DNM3: variants seen among roughly 807,000 people sequenced by gnomAD.
DNM3 encodes the protein dynamin 3, also known as dynamin-3.
In DNM3, 47 loss-of-function variants were observed where a neutral mutation model predicts 101.6. The ratio of observed to expected loss-of-function variants is 0.46; its 90% confidence interval spans 0.37 to 0.59. The LOEUF (loss-of-function observed/expected upper bound fraction) is 0.59, where lower values mean the gene tolerates loss of function less well. DNM3 is among the 20% of genes least tolerant of loss of function. The pLI, the probability that DNM3 is intolerant of heterozygous loss-of-function variation, is 0.00. For synonymous variants in DNM3, 385 were observed against 387.9 expected (o/e 0.99, Z 0.09); for missense variants, 849 against 1,085.7 (o/e 0.78, Z 3.06).
chr1:172,275,079 G>C (rs531184582), intron 15 of DNM3, among the ~76,000 whole-genome samples: 1 of 152,126 alleles, frequency 6.6e-6, no homozygotes, highest in South Asian at 2.1e-4. Context: ...ATTATTCCTA[G>C]ACAACTATGA....
chr1:172,278,617 G>A (rs2063377330), intron 15 of DNM3, among the ~76,000 whole-genome samples: 1 of 152,122 alleles, frequency 6.6e-6, no homozygotes, highest in African/African-American at 2.4e-5. Context: ...GAAGGCAAGT[G>A]TGTGATTCAC....
At chr1:172,195,366 C>A (rs553384) in intron 14 of DNM3, among the ~76,000 whole-genome samples, 35,682 of 151,600 alleles carry the variant, frequency 0.24, 7,004 homozygotes, top group African/African-American at 0.54. Context: ...ATGGCACCTT[C>A]AAACAAAGAC....
chr1:172,402,766 A>G (rs1475188351), intron 20 of DNM3, among the ~76,000 whole-genome samples: 1 of 152,218 alleles, frequency 6.6e-6, no homozygotes, highest in East Asian at 1.9e-4. Flanking sequence ...ACATAAGGCT[A>G]AAACTGCTTT....
At position 172,064,501 on chromosome 1, in the gene DNM3, G is replaced by A. The variant is rs1355132241; in HGVS notation, c.1336-4318G>A. Among the ~76,000 whole-genome samples the A allele has an allele frequency of 2.6e-5, 4 of 152,070 alleles. 1 individual carries two copies. The highest frequency in any genetic ancestry group is 4.1e-4 in the South Asian group (2 of 4,828). ...GGTGACACAAACTGAGCAGGGCACA[G>A]TTTGAATGAGATCATGAAATAATCT... On this transcript the variant is annotated intron_variant, in intron 10 of 20. Transcript: ENST00000627582.
At chr1:171,976,341 T>C (rs2044368065) in intron 2 of DNM3, among the ~76,000 whole-genome samples, 1 of 152,208 alleles carries the variant, frequency 6.6e-6, no homozygotes, top group Admixed American at 6.5e-5. Context: ...GAGGCTTAAC[T>C]GACTTACAGT....
intron 9 of DNM3, among the ~76,000 whole-genome samples, 171 bp from the exon 10 acceptor site, chr1:172,048,441 T>C (rs1351302820): frequency 1.3e-5 from 2 of 152,238 alleles, no homozygotes; most frequent in Non-Finnish European, 1.5e-5. Context: ...TAAATATTAG[T>C]TAAAGGTCAC....
intron 20 of DNM3, among the ~76,000 whole-genome samples, chr1:172,392,707 C>T (rs1008003190): frequency 1.2e-4 from 19 of 152,030 alleles, no homozygotes; most frequent in African/African-American, 4.6e-4. Flanking sequence ...AGCTATTTTG[C>T]AATAGTCAAA....
chr1:172,295,066 C>T (rs1281962512), intron 15 of DNM3, among the ~76,000 whole-genome samples: 1 of 152,122 alleles, frequency 6.6e-6, no homozygotes, highest in Non-Finnish European at 1.5e-5. Flanking sequence ...TTGCAAGACT[C>T]ATAGATTGAA....
intron 13 of DNM3, among the ~76,000 whole-genome samples, chr1:172,099,149 T>C (rs932752047): frequency 6.6e-6 from 1 of 152,238 alleles, no homozygotes. Context: ...GGTAAAGGAC[T>C]GTGTAATCTC....
chr1:172,121,228 G>A (rs764534955), intron 13 of DNM3, among the ~76,000 whole-genome samples: 10 of 152,152 alleles, frequency 6.6e-5, no homozygotes, highest in South Asian at 2.1e-4. Flanking sequence ...AAAAAAACTA[G>A]AGCCCTGATT....
intron 14 of DNM3, among the ~76,000 whole-genome samples, chr1:172,242,494 G>A (rs189260812): frequency 4.6e-5 from 7 of 152,270 alleles, no homozygotes; most frequent in African/African-American, 1.7e-4. Flanking sequence ...CTAGGCTGGA[G>A]TTCAGTGGCA....
At chr1:171,862,284 A>G (rs891454422) in intron 1 of DNM3, among the ~76,000 whole-genome samples, 3 of 152,226 alleles carry the variant, frequency 2.0e-5, no homozygotes, top group African/African-American at 4.8e-5. Context: ...AAACTTGTGC[A>G]TAAATGTTTA....
chr1:171,923,655 G>A (rs2125330413), intron 2 of DNM3, among the ~76,000 whole-genome samples: 1 of 152,092 alleles, frequency 6.6e-6, no homozygotes, highest in Admixed American at 6.5e-5. Flanking sequence ...TTAGGTCTTT[G>A]ATCCATTTTT....
At chr1:172,083,284 G>C (rs1367521004) in intron 12 of DNM3, among the ~76,000 whole-genome samples, 1 of 152,038 alleles carries the variant, frequency 6.6e-6, no homozygotes, top group Non-Finnish European at 1.5e-5. Flanking sequence ...GGGTGGGGGG[G>C]GAATGTAGAA....
At chr1:172,255,332 C>T (rs1170925180) in intron 15 of DNM3, among the ~76,000 whole-genome samples, 7 of 152,104 alleles carry the variant, frequency 4.6e-5, no homozygotes, top group Middle Eastern at 3.2e-3. Flanking sequence ...TACATGCCTT[C>T]ATCAGAGCAG....
intron 17 of DNM3, among the ~76,000 whole-genome samples, chr1:172,377,771 A>C (rs1238128179): frequency 6.6e-6 from 1 of 151,718 alleles, no homozygotes; most frequent in South Asian, 2.1e-4. Flanking sequence ...GGACTGGGAA[A>C]TGAGTTGAGC....
chr1:171,884,621 C>T (rs1358807816), intron 1 of DNM3, among the ~76,000 whole-genome samples: 3 of 152,144 alleles, frequency 2.0e-5, no homozygotes, highest in Non-Finnish European at 2.9e-5. Flanking sequence ...GGCTCAGCTG[C>T]TTTCTGATGG....
intron 2 of DNM3, among the ~76,000 whole-genome samples, chr1:171,956,728 A>G (rs2042884034): frequency 6.6e-6 from 1 of 152,156 alleles, no homozygotes; most frequent in African/African-American, 2.4e-5. Context: ...GAGGTTCTCC[A>G]TGAGGGCCCT....
intron 20 of DNM3, among the ~76,000 whole-genome samples, chr1:172,390,784 A>C (rs1424087008): frequency 6.6e-6 from 1 of 152,222 alleles, no homozygotes; most frequent in Non-Finnish European, 1.5e-5. Flanking sequence ...CCATTGGAAG[A>C]GGAAGAGTTG....
Sources: allele counts gnomAD v4.1 joint callset (sites outside exome capture counted in the v4.1 genomes callset), GRCh38; gene constraint gnomAD v4.1.1; transcripts MANE v1.5; gene names NCBI Gene and HGNC (gene_info 2026-07-23, HGNC 2026-07-21).